The following MDGA2 variants were observed in gnomAD, a reference collection of about 807,000 sequenced individuals.
MDGA2 encodes the protein MAM domain containing glycosylphosphatidylinositol anchor 2.
Under a neutral mutation model 117.8 loss-of-function variants are expected in MDGA2, and 40 were observed. The observed-to-expected ratio is 0.34, with a 90% confidence interval of 0.26 to 0.44. The LOEUF (loss-of-function observed/expected upper bound fraction) is 0.44. MDGA2 is among the 20% of genes least tolerant of loss of function. MDGA2 has a pLI of 1.00. For missense variants in MDGA2, 1,123 were observed against 1,250.6 expected, an observed-to-expected ratio of 0.90 and a Z score of 1.54; for synonymous variants, 452 against 439.0, an observed-to-expected ratio of 1.03 and a Z score of -0.37.
intron 1 of MDGA2, among the ~76,000 whole-genome samples, chr14:47,405,962 T>G (rs1283684833): frequency 6.6e-6 from 1 of 152,154 alleles, no homozygotes; most frequent in African/African-American, 2.4e-5. Context: ...GAGTTTAAGC[T>G]TTTCAATCAT....
chr14:47,612,992 C>G (rs1237051125), intron 1 of MDGA2, among the ~76,000 whole-genome samples: 1 of 152,114 alleles, frequency 6.6e-6, no homozygotes, highest in Non-Finnish European at 1.5e-5. Context: ...ATTTTCTTTC[C>G]CTTATTGCGG....
intron 1 of MDGA2, among the ~76,000 whole-genome samples, chr14:47,458,007 A>ATTT (rs34331194): frequency 6.8e-6 from 1 of 146,674 alleles, no homozygotes; most frequent in African/African-American, 2.5e-5. Flanking sequence ...TCTTCCCCAT[A>ATTT]TTTTTTTTTT....
At chr14:46,971,637 C>T (rs1886268688) in intron 8 of MDGA2, among the ~76,000 whole-genome samples, 1 of 151,838 alleles carries the variant, frequency 6.6e-6, no homozygotes, top group Admixed American at 6.6e-5. Context: ...AACCCCAATA[C>T]TTGATAGCAG....
intron 1 of MDGA2, among the ~76,000 whole-genome samples, chr14:47,498,821 A>G (rs1302848357): frequency 1.3e-5 from 2 of 152,158 alleles, no homozygotes; most frequent in African/African-American, 4.8e-5. Context: ...ATTTTGGCAT[A>G]GCAGTTTTTG....
intron 8 of MDGA2, among the ~76,000 whole-genome samples, chr14:46,995,673 ACTT>A (rs1320910865): frequency 1.1e-4 from 16 of 152,104 alleles, no homozygotes; most frequent in Admixed American, 2.6e-4. Flanking sequence ...TTCAGCAGAA[ACTT>A]CTTCAATATA....
chr14:47,104,075 T>G, intron 5 of MDGA2, among the ~76,000 whole-genome samples: 1 of 152,210 alleles, frequency 6.6e-6, no homozygotes, highest in Middle Eastern at 3.2e-3. Context: ...GTCATATGCA[T>G]TTACCAGGCT....
chr14:47,564,409 G>T (rs1225137519), intron 1 of MDGA2, among the ~76,000 whole-genome samples: 1 of 152,174 alleles, frequency 6.6e-6, no homozygotes, highest in Non-Finnish European at 1.5e-5. Context: ...TCACAATCAT[G>T]GTGGAAGGCA....
intron 1 of MDGA2, among the ~76,000 whole-genome samples, chr14:47,323,259 A>G (rs1323286860): frequency 6.7e-6 from 1 of 149,706 alleles, no homozygotes; most frequent in Non-Finnish European, 1.5e-5. Context: ...GCTCAAGTAC[A>G]GGTATTTTTT....
intron 1 of MDGA2, among the ~76,000 whole-genome samples, chr14:47,457,812 G>T (rs1323386274): frequency 8.4e-5 from 12 of 143,648 alleles, no homozygotes; most frequent in South Asian, 2.2e-4. Flanking sequence ...ATTTTTTTCT[G>T]TTTTTTTTTT....
intron 3 of MDGA2, among the ~76,000 whole-genome samples, chr14:47,167,495 G>GA (rs1342236482): frequency 2.0e-5 from 3 of 151,850 alleles, no homozygotes; most frequent in Admixed American, 1.3e-4. Context: ...AATTTTCCAG[G>GA]AAGAAAAAAA....
intron 9 of MDGA2, among the ~76,000 whole-genome samples, chr14:46,944,415 T>C (rs539542825): frequency 5.6e-4 from 85 of 152,020 alleles, no homozygotes; most frequent in African/African-American, 2.0e-3. Flanking sequence ...TTTTCCACAA[T>C]TGGACTATGG....
chr14:47,136,888 T>G (rs1292670909), intron 4 of MDGA2, among the ~76,000 whole-genome samples: 1 of 152,200 alleles, frequency 6.6e-6, no homozygotes, highest in Non-Finnish European at 1.5e-5. Flanking sequence ...GATAGATTTA[T>G]GAAGCTGCAT....
At chr14:47,262,374 T>G (rs1594759637) in intron 2 of MDGA2, among the ~76,000 whole-genome samples, 1 of 152,200 alleles carries the variant, frequency 6.6e-6, no homozygotes, top group African/African-American at 2.4e-5. Context: ...GACTTAATCT[T>G]GGCTTTATTT....
At chr14:47,141,969 A>T (rs947548742) in intron 4 of MDGA2, among the ~76,000 whole-genome samples, 1 of 152,222 alleles carries the variant, frequency 6.6e-6, no homozygotes, top group Non-Finnish European at 1.5e-5. Context: ...GTATCAAAAC[A>T]TCACACCATA....
At chr14:47,216,171 A>G (rs1001633870) in intron 3 of MDGA2, among the ~76,000 whole-genome samples, 3 of 152,144 alleles carry the variant, frequency 2.0e-5, no homozygotes, top group Non-Finnish European at 4.4e-5. Context: ...TTTCTAGTAA[A>G]AGGAAAAGAG....
chr14:46,917,577 A>C (rs1042521096), intron 10 of MDGA2, among the ~76,000 whole-genome samples: 1 of 152,168 alleles, frequency 6.6e-6, no homozygotes, highest in African/African-American at 2.4e-5. Context: ...TCATTATTTT[A>C]AAAAAACATA....
intron 2 of MDGA2, among the ~76,000 whole-genome samples, chr14:47,251,092 C>T (rs1168119299): frequency 2.0e-5 from 3 of 152,202 alleles, no homozygotes; most frequent in Admixed American, 6.5e-5. Flanking sequence ...TTAAAAGTCT[C>T]TAATAGCTTC....
At chr14:47,153,119 A>C (rs1322947659) in intron 3 of MDGA2, among the ~76,000 whole-genome samples, 1 of 152,212 alleles carries the variant, frequency 6.6e-6, no homozygotes, top group Non-Finnish European at 1.5e-5. Context: ...TATGCTAAAG[A>C]AAATCCATTC....
chr14:46,912,264 C>G (rs571151617), intron 10 of MDGA2, among the ~76,000 whole-genome samples: 1 of 152,064 alleles, frequency 6.6e-6, no homozygotes, highest in Non-Finnish European at 1.5e-5. Flanking sequence ...AACATACACA[C>G]GAATGCACAT....
Sources: allele counts gnomAD v4.1 joint callset (sites outside exome capture counted in the v4.1 genomes callset), GRCh38; gene constraint gnomAD v4.1.1; transcripts MANE v1.5; gene names NCBI Gene and HGNC (gene_info 2026-07-23, HGNC 2026-07-21).